The following AP1S3 variants were observed in gnomAD, a reference collection of about 807,000 sequenced individuals.
The protein encoded by AP1S3 is AP-1 complex subunit sigma-3.
AP1S3 carries 10 observed loss-of-function variants against 20.9 expected under a neutral mutation model. That is an observed-to-expected ratio of 0.48 (90% CI 0.29 to 0.81). The LOEUF is 0.81. Among genes scored for constraint, AP1S3 ranks in the 30% least tolerant of loss-of-function variants. The pLI is 0.08. For synonymous variants in AP1S3, 41 were observed against 61.5 expected (o/e 0.67, Z 1.56); for missense variants, 154 against 183.8 (o/e 0.84, Z 0.94).
At chr2:223,818,560 C>CT (rs200759443) in intron 1 of AP1S3, among the ~76,000 whole-genome samples, 6,141 of 149,206 alleles carry the variant, frequency 0.041, 139 homozygotes, top group Non-Finnish European at 0.054. Flanking sequence ...AGCAAATTTT[C>CT]TTTTTTTTTT....
chr2:223,757,551 G>C lies in AP1S3; in HGVS notation c.*1164C>G. The C allele has an allele frequency of 1.0e-6, 1 of 977,820 alleles. No homozygotes were observed. Among genetic ancestry groups the C allele is most frequent in the South Asian group, 4.7e-5 (1 of 21,118 alleles). 60.6% of individuals were successfully genotyped at this position (977,820 alleles called of 1,614,324 possible). On this transcript the variant is annotated 3_prime_UTR_variant, in exon 5 of 5. Transcript: ENST00000396654. ...GATCCACCTGCCTCGGCCTCCCAAAGTGCTGGGATTACAGGTGTAAGCCAC... is the reference window on the plus strand; with the variant it reads ...GATCCACCTGCCTCGGCCTCCCAAACTGCTGGGATTACAGGTGTAAGCCAC...
intron 1 of AP1S3, among the ~76,000 whole-genome samples, chr2:223,824,078 AT>A (rs1429968836): frequency 6.6e-6 from 1 of 152,122 alleles, no homozygotes; most frequent in Non-Finnish European, 1.5e-5. Context: ...TGCAGCCTCA[AT>A]TTCCAGGGCT....
At chr2:223,777,435 G>GTT (rs1369843370) in intron 2 of AP1S3, among the ~76,000 whole-genome samples, 1 of 152,124 alleles carries the variant, frequency 6.6e-6, no homozygotes, top group East Asian at 1.9e-4. Context: ...TGTAACAGGT[G>GTT]TTCATACCAC....
At chr2:223,773,539 C>G (rs1316099701) in intron 3 of AP1S3, among the ~76,000 whole-genome samples, 1 of 152,178 alleles carries the variant, frequency 6.6e-6, no homozygotes, top group Admixed American at 6.5e-5. Context: ...CTGTTATATA[C>G]TGACCAACAA....
Position 223,828,245 on chromosome 2 carries a change from G to A in AP1S3, c.3+9203C>T, listed in dbSNP as rs556611229. Among the ~76,000 whole-genome samples, 6 of 150,550 alleles carry A rather than the reference G, an allele frequency of 4.0e-5. No individual in the cohort carries two copies. The East Asian group carries it at 7.8e-4, about 20-fold the overall frequency. ...TGAACCAAGTATCTAAGATCAAAGC[G>A]CTCACACAGGGCCCTGGGGTCATTC... On this transcript the variant is annotated intron_variant, in intron 1 of 4. Transcript: ENST00000396654.
intron 1 of AP1S3, among the ~76,000 whole-genome samples, chr2:223,799,533 T>C (rs1163444751): frequency 6.6e-6 from 1 of 152,214 alleles, no homozygotes; most frequent in Non-Finnish European, 1.5e-5. Flanking sequence ...CTTTTATTTT[T>C]AATCTCAAAA....
chr2:223,759,210 C>T (rs924644056), intron 4 of AP1S3, among the ~76,000 whole-genome samples: 23 of 151,334 alleles, frequency 1.5e-4, no homozygotes, highest in Non-Finnish European at 2.8e-4. Flanking sequence ...AACCGGGAGG[C>T]GGAGGTTGAA....
chr2:223,758,507 A>G lies in AP1S3; in HGVS notation c.*208T>C. The G allele has an allele frequency of 7.8e-7, 1 of 1,278,254 alleles. No homozygotes were observed. Among genetic ancestry groups the G allele is most frequent in the Non-Finnish European group, 9.9e-7 (1 of 1,014,614 alleles). 79.2% of individuals were successfully genotyped at this position (1,278,254 alleles called of 1,614,324 possible). ...TTAGAGCTACAAGTACCTATACAGT[A>G]TAACACAGACACATAATTTTTTTTA... On this transcript the variant is annotated 3_prime_UTR_variant, in exon 5 of 5. Transcript: ENST00000396654.
chr2:223,819,289 A>C (rs1691929705), intron 1 of AP1S3, among the ~76,000 whole-genome samples: 1 of 152,220 alleles, frequency 6.6e-6, no homozygotes, highest in Admixed American at 6.5e-5. Context: ...ATACCTGCCA[A>C]GTAGCTGAAC....
At chr2:223,761,649 AC>A (rs990848106) in intron 4 of AP1S3, among the ~76,000 whole-genome samples, 1 of 150,364 alleles carries the variant, frequency 6.7e-6, no homozygotes, top group African/African-American at 2.5e-5. Context: ...TGGTCTCAAA[AC>A]TCCTGGGCTC....
chr2:223,756,461 G>C lies in AP1S3; in HGVS notation c.*2254C>G. The C allele has an allele frequency of 1.2e-6, 1 of 855,488 alleles. No homozygotes were observed. The highest frequency in any genetic ancestry group is 1.4e-6 in the Non-Finnish European group (1 of 712,526). The allele number at this position is 855,488 out of a possible 1,614,324, so 53.0% of individuals were successfully genotyped here. On this transcript the variant is annotated 3_prime_UTR_variant, in exon 5 of 5. Coordinates refer to ENST00000396654, the MANE Select transcript of AP1S3 (RefSeq NM_001039569.2). ...GAAGAAAGGAAGGAAAAGAAAGAAA[G>C]AAAGAAAAGAAAGAAAGAAAGAAAA...
At chr2:223,822,427 G>A (rs1021824014) in intron 1 of AP1S3, among the ~76,000 whole-genome samples, 2 of 150,802 alleles carry the variant, frequency 1.3e-5, no homozygotes, top group African/African-American at 4.9e-5. Context: ...GCTAATGCCT[G>A]TAATCCCAGC....
At chr2:223,804,953 G>C (rs10172799) in intron 1 of AP1S3, among the ~76,000 whole-genome samples, 50,791 of 152,052 alleles carry the variant, frequency 0.33, 8,825 homozygotes, top group Middle Eastern at 0.4. Context: ...AAATGATTTA[G>C]GCTTAAAACT....
At chr2:223,791,678 G>T (rs1444097167) in intron 1 of AP1S3, among the ~76,000 whole-genome samples, 1 of 152,118 alleles carries the variant, frequency 6.6e-6, no homozygotes, top group Non-Finnish European at 1.5e-5. Flanking sequence ...GGAAGTTCTG[G>T]CCAGGGCAAT....
chr2:223,823,442 T>C (rs1474663719), intron 1 of AP1S3, among the ~76,000 whole-genome samples: 1 of 152,198 alleles, frequency 6.6e-6, no homozygotes, highest in African/African-American at 2.4e-5. Context: ...TGTGAGAACA[T>C]GGATGAACCT....
At chr2:223,768,820 A>G (rs181838631) in intron 3 of AP1S3, among the ~76,000 whole-genome samples, 94 of 152,210 alleles carry the variant, frequency 6.2e-4, no homozygotes, top group Non-Finnish European at 1.2e-3. Flanking sequence ...ATGCCACTGC[A>G]CTCCAGCCTG....
intron 1 of AP1S3, among the ~76,000 whole-genome samples, chr2:223,803,804 T>C (rs1421462709): frequency 4.1e-5 from 6 of 147,180 alleles, no homozygotes; most frequent in Non-Finnish European, 7.4e-5. Flanking sequence ...GGTGTGAACC[T>C]GGGAGGCAGA....
rs527671959 is a variant in AP1S3 at position 223,828,058 on chromosome 2, TA to T, written c.3+9389del. Reference sequence around the variant, plus strand: ...TGGGGTACAAGAGCAAGACTTCATCTAAAAAAAAAAAAAAAAAAAAAAAAAA... The same window carrying T: ...TGGGGTACAAGAGCAAGACTTCATCTAAAAAAAAAAAAAAAAAAAAAAAAA... On this transcript the variant is annotated intron_variant, in intron 1 of 4. Coordinates refer to ENST00000396654, the MANE Select transcript of AP1S3 (RefSeq NM_001039569.2). 9.7e-3 allele frequency among the ~76,000 whole-genome samples: 893 copies of T among 92,252 alleles called. 1 individual carries two copies. Among genetic ancestry groups the T allele is most frequent in the Non-Finnish European group, 0.015 (638 of 42,698 alleles). The allele number at this position is 92,252 out of a possible 152,430, so 60.5% of individuals were successfully genotyped here. A position where few individuals can be genotyped will look rare whatever the true frequency, so the allele number is the denominator to read the frequency against.
At chr2:223,764,904 T>C (rs550666727) in intron 4 of AP1S3, among the ~76,000 whole-genome samples, 9 of 152,232 alleles carry the variant, frequency 5.9e-5, no homozygotes, top group Middle Eastern at 3.4e-3. Flanking sequence ...TAAAGCCCAA[T>C]TGCCTGGGTT....
Sources: gnomAD v4.1 joint callset for allele counts (sites outside exome capture counted in the v4.1 genomes callset) on GRCh38, gnomAD v4.1.1 for gene constraint, MANE v1.5 for transcripts, NCBI Gene and HGNC (gene_info 2026-07-23, HGNC 2026-07-21) for gene names.